Variants in ERCC6L2 observed in about 807,000 individuals in gnomAD.
ERCC6L2 encodes the protein DNA excision repair protein ERCC-6-like 2.
A neutral mutation model predicts 132.0 loss-of-function variants in ERCC6L2; 77 were observed. The ratio of observed to expected loss-of-function variants is 0.58; its 90% CI spans 0.49 to 0.71. The LOEUF (loss-of-function observed/expected upper bound fraction) is 0.71. Ranked by LOEUF, ERCC6L2 falls within the 30% of genes least tolerant of loss-of-function variation. The pLI, the probability that ERCC6L2 is intolerant of heterozygous loss-of-function variation, is 0.00. For synonymous variants in ERCC6L2, 583 were observed against 632.4 expected (o/e 0.92, Z 1.17); for missense variants, 1,542 against 1,837.6 (o/e 0.84, Z 2.94).
intron 9 of ERCC6L2, among the ~76,000 whole-genome samples, chr9:95,925,434 C>G (rs575138588): frequency 6.6e-6 from 1 of 152,270 alleles, no homozygotes; most frequent in African/African-American, 2.4e-5. Context: ...ATCCAAGGTT[C>G]CTTGCTGTTA....
At chr9:95,891,861 A>C in intron 2 of ERCC6L2, among the ~76,000 whole-genome samples, 1 of 152,072 alleles carries the variant, frequency 6.6e-6, no homozygotes, top group Non-Finnish European at 1.5e-5. Context: ...AAAGAAATAT[A>C]TATTTAAGTC....
intron 17 of ERCC6L2, among the ~76,000 whole-genome samples, chr9:96,002,623 C>G (rs1833728603): frequency 6.6e-6 from 1 of 151,988 alleles, no homozygotes; most frequent in African/African-American, 2.4e-5. Flanking sequence ...AAAGGTTTTA[C>G]CACATTGCCA....
intron 11 of ERCC6L2, chr9:95,929,073 C>T (rs1340992029): frequency 2.4e-5 from 9 of 376,396 alleles, no homozygotes; most frequent in East Asian, 4.8e-5. Flanking sequence ...TCTTAGAAGT[C>T]TGGGTTTATA....
chr9:95,964,842 G>A (rs1424903235), intron 13 of ERCC6L2, among the ~76,000 whole-genome samples: 1 of 152,052 alleles, frequency 6.6e-6, no homozygotes, highest in Non-Finnish European at 1.5e-5. Flanking sequence ...TTTTACTGGA[G>A]CCACTTTAGT....
chr9:95,966,984 A>G (rs568703802), intron 14 of ERCC6L2: 1 of 250,380 alleles, frequency 4.0e-6, no homozygotes, highest in South Asian at 1.7e-4. Context: ...ATAGGCAGAG[A>G]GAAGTTTATA....
intron 2 of ERCC6L2, among the ~76,000 whole-genome samples, chr9:95,888,608 A>G (rs956978399): frequency 1.3e-5 from 2 of 152,196 alleles, no homozygotes; most frequent in Admixed American, 6.5e-5. Context: ...CTGGACCACC[A>G]TAGTGTGGTA....
rs1195293129 is a variant in ERCC6L2 at position 96,015,007 on chromosome 9, T to C, written c.*1804T>C. 6.8e-6 allele frequency among the ~76,000 whole-genome samples: 1 copy of C among 146,312 alleles called. No individual in the cohort carries two copies. The highest frequency in any genetic ancestry group is 1.5e-5 in the Non-Finnish European group (1 of 66,838). ...AAATATTAGCTCTATAGTCTTCATATATGTACAGTTTTTTTTTTTTTTTTT... is the reference window on the plus strand; with the variant it reads ...AAATATTAGCTCTATAGTCTTCATACATGTACAGTTTTTTTTTTTTTTTTT... On this transcript the variant is annotated 3_prime_UTR_variant, in exon 19 of 19. Coordinates refer to ENST00000653738, the MANE Select transcript of ERCC6L2 (RefSeq NM_020207.7).
At chr9:95,986,496 CCT>C (rs1491318441) in intron 17 of ERCC6L2, among the ~76,000 whole-genome samples, 1 of 123,746 alleles carries the variant, frequency 8.1e-6, no homozygotes, top group African/African-American at 3.0e-5. Flanking sequence ...ATATCTCTCT[CCT>C]TTTTTTTTTT....
intron 20 of ERCC6L2, among the ~76,000 whole-genome samples, chr9:96,040,603 C>T (rs1462682948): frequency 6.6e-6 from 1 of 152,176 alleles, no homozygotes; most frequent in Admixed American, 6.5e-5. Flanking sequence ...TCCACAAGGC[C>T]AAGGGCTTTC....
chr9:95,986,732 G>C (rs1333395924), intron 17 of ERCC6L2, among the ~76,000 whole-genome samples: 1 of 151,942 alleles, frequency 6.6e-6, no homozygotes, highest in Non-Finnish European at 1.5e-5. Context: ...CCTGACCTCA[G>C]GTGATCCACC....
chr9:95,955,005 T>C (rs994122417), intron 12 of ERCC6L2: 21 of 410,918 alleles, frequency 5.1e-5, no homozygotes, highest in African/African-American at 4.3e-4. Context: ...AATTGTGACA[T>C]TTTCAAGCAT....
intron 12 of ERCC6L2, among the ~76,000 whole-genome samples, chr9:95,942,394 T>A (rs1179436784): frequency 6.6e-6 from 1 of 151,460 alleles, no homozygotes; most frequent in Non-Finnish European, 1.5e-5. Flanking sequence ...TTGAAGGGAA[T>A]AAAATAAGAA....
chr9:96,020,572 G>A (rs1247611128), downstream of ERCC6L2: 2 of 361,812 alleles, frequency 5.5e-6, no homozygotes, highest in South Asian at 4.1e-5. Context: ...ACATGTTGGG[G>A]TGGACAAGCA....
At chr9:95,953,826 A>G (rs968784931) in intron 12 of ERCC6L2, among the ~76,000 whole-genome samples, 1 of 152,158 alleles carries the variant, frequency 6.6e-6, no homozygotes, top group African/African-American at 2.4e-5. Flanking sequence ...TGAAAAGTCT[A>G]ATCTGAGGGA....
At chr9:95,938,776 A>G (rs1394771984) in intron 11 of ERCC6L2, among the ~76,000 whole-genome samples, 2 of 152,142 alleles carry the variant, frequency 1.3e-5, no homozygotes, top group African/African-American at 4.8e-5. Flanking sequence ...TACCCTGCCA[A>G]TCTTACGATT....
chr9:96,004,695 T>C lies in ERCC6L2; in HGVS notation c.3668T>C (p.Ile1223Thr), dbSNP rs1024371193. The C allele has an allele frequency of 1.5e-6, 2 of 1,339,534 alleles. No individual in the cohort carries two copies. The highest frequency in any genetic ancestry group is 3.0e-5 in the African/African-American group (2 of 67,274). 83.0% of individuals were successfully genotyped at this position (1,339,534 alleles called of 1,614,324 possible). ...ATAATTGGAGAAACACCAAAAGGAA[T>C]CCGCAGGTATATTGTCTCTGACAAT... Reference protein sequence around the residue: ...TFIIGETPKGIRRKQFEEMAS... With the variant: ...TFIIGETPKGTRRKQFEEMAS... Residue 1223 changes from isoleucine (I) to threonine (T), a missense_variant, in exon 18 of 19, where the codon ATC (isoleucine) becomes ACC (threonine). Around this residue, in one of 4 missense-constraint regions of ERCC6L2, gnomAD observed 442 missense variants for 583.4 expected, o/e 0.76. Transcript: ENST00000653738.
chr9:96,031,481 A>G (rs1293858698), intron 19 of ERCC6L2, among the ~76,000 whole-genome samples: 2 of 152,174 alleles, frequency 1.3e-5, no homozygotes, highest in Non-Finnish European at 2.9e-5. Context: ...GCCAGAACAA[A>G]CTCTGTCCCT....
rs548568599 is a variant in ERCC6L2, at chr9:96,015,609, C to T, written c.*2406C>T. Reference sequence around the variant, plus strand: ...ATGAGATCGAGACTATCCTGGCTAACGCGGTGAAACCCCGTCTCTACTAAA... The same window carrying T: ...ATGAGATCGAGACTATCCTGGCTAATGCGGTGAAACCCCGTCTCTACTAAA... On this transcript the variant is annotated 3_prime_UTR_variant, in exon 19 of 19. Coordinates refer to ENST00000653738, the MANE Select transcript of ERCC6L2 (RefSeq NM_020207.7). 1.6e-4 allele frequency among the ~76,000 whole-genome samples: 24 copies of T among 150,236 alleles called. No homozygotes were observed. The highest frequency in any genetic ancestry group is 3.3e-4 in the Admixed American group (5 of 15,094).
intron 18 of ERCC6L2, 96 bp downstream of exon 18, chr9:96,004,797 A>G: frequency 2.6e-6 from 2 of 784,204 alleles, no homozygotes; most frequent in Non-Finnish European, 3.7e-6. Flanking sequence ...TATAACCATA[A>G]CTGACATCTG....
Sources: gnomAD v4.1 joint callset for allele counts (sites outside exome capture counted in the v4.1 genomes callset) on GRCh38, gnomAD v4.1.1 for gene constraint, gnomAD v4.1.1 regional missense constraint, MANE v1.5 for transcripts, NCBI Gene and HGNC (gene_info 2026-07-23, HGNC 2026-07-21) for gene names.